PPP6C: variants seen among roughly 807,000 people sequenced by gnomAD.
The protein encoded by PPP6C is serine/threonine-protein phosphatase 6 catalytic subunit.
PPP6C carries 11 observed loss-of-function variants against 39.8 expected under a neutral mutation model. The ratio of observed to expected loss-of-function variants is 0.28; its 90% CI spans 0.17 to 0.46. The LOEUF is 0.46. Ranked by LOEUF, PPP6C falls within the 20% of genes least tolerant of loss-of-function variation. The pLI is 1.00. For missense variants in PPP6C, 211 were observed against 373.9 expected, an observed-to-expected ratio of 0.56 and a Z score of 3.59; for synonymous variants, 129 against 130.3, an observed-to-expected ratio of 0.99 and a Z score of 0.07.
intron 2 of PPP6C, among the ~76,000 whole-genome samples, chr9:125,161,324 C>T (rs1475707829): frequency 6.6e-6 from 1 of 152,182 alleles, no homozygotes; most frequent in African/African-American, 2.4e-5. Context: ...TTACATGACA[C>T]TCCAGTGTTA....
At chr9:125,188,818 A>AATAAT (rs535765750) in intron 1 of PPP6C, 7 of 423,804 alleles carry the variant, frequency 1.7e-5, no homozygotes, top group South Asian at 5.7e-5. Context: ...TAATAATAAT[A>AATAAT]ATTAAAAAGT....
chr9:125,174,745 A>G (rs1829258797), intron 1 of PPP6C, among the ~76,000 whole-genome samples: 1 of 151,938 alleles, frequency 6.6e-6, no homozygotes, highest in Admixed American at 6.6e-5. Context: ...CCCTGTCTAT[A>G]CTAAAAAATA....
In PPP6C at chr9:125,149,676, A is replaced by T. The variant is rs745932435; in HGVS notation, c.915T>A (p.Leu305=). ...IPPRTTTPYF[L] ...GTCAGCAGGATGGGCGAAGGCCTCA[A>T]AGGAAATATGGCGTTGTCGTTCTGG... Residue 305 remains leucine, a synonymous_variant, in exon 7 of 7, where the codon CTT becomes CTA. Transcript: ENST00000373547. The T allele has an allele frequency of 6.2e-7, 1 of 1,613,800 alleles. No individual in the cohort carries two copies. Among genetic ancestry groups the T allele is most frequent in the Middle Eastern group, 1.6e-4 (1 of 6,062 alleles).
chr9:125,149,572 A>G lies in PPP6C; in HGVS notation c.*101T>C. 1 of 1,322,066 alleles carries G rather than the reference A, an allele frequency of 7.6e-7. No individual in the cohort carries two copies. Among genetic ancestry groups the G allele is most frequent in the Non-Finnish European group, 1.0e-6 (1 of 980,084 alleles). 81.9% of individuals were successfully genotyped at this position (1,322,066 alleles called of 1,614,324 possible). A position where few individuals can be genotyped will look rare whatever the true frequency, so the allele number is the denominator to read the frequency against. On this transcript the variant is annotated 3_prime_UTR_variant, in exon 7 of 7. Transcript: ENST00000373547. ...AAAAAAAGGCAAGAGGCAGCATTTC[A>G]GCAGCAAAGTGCTCAATAAAAAGTA... is the stretch of plus-strand genomic sequence containing the variant.
At chr9:125,150,649 T>C in intron 6 of PPP6C, 1 of 972,034 alleles carries the variant, frequency 1.0e-6, no homozygotes, top group Non-Finnish European at 1.5e-6. Context: ...TTGGCCAGGA[T>C]CCTGAATATC....
In PPP6C at chr9:125,188,862, C is replaced by A. The variant is rs182113552; in HGVS notation, c.75+782G>T. ...AGAAAAGCAGTATACCAAAGTCATT[C>A]CTTTACCCATACATACATTTACTCT... On this transcript the variant is annotated intron_variant, in intron 1 of 6. Transcript: ENST00000373547. 270 of 1,247,714 alleles carry A rather than the reference C, an allele frequency of 2.2e-4. 1 individual carries two copies. In the African/African-American group the frequency reaches 3.4e-3, roughly 16 times the overall value. 77.3% of individuals were successfully genotyped at this position (1,247,714 alleles called of 1,614,324 possible).
intron 3 of PPP6C, among the ~76,000 whole-genome samples, chr9:125,159,563 G>T (rs373024048): frequency 6.6e-6 from 1 of 151,928 alleles, no homozygotes; most frequent in Admixed American, 6.6e-5. Context: ...TTGCCTACTT[G>T]AAGAAAAAAA....
intron 6 of PPP6C, among the ~76,000 whole-genome samples, chr9:125,152,312 G>A (rs1483745315): frequency 5.9e-5 from 9 of 152,082 alleles, no homozygotes; most frequent in Non-Finnish European, 1.3e-4. Flanking sequence ...ACACTGTACC[G>A]TAGTCTTCTG....
At chr9:125,163,155 T>C (rs1412690094) in intron 2 of PPP6C, among the ~76,000 whole-genome samples, 1 of 152,056 alleles carries the variant, frequency 6.6e-6, no homozygotes, top group Admixed American at 6.6e-5. Flanking sequence ...GTGAATATCT[T>C]AAATTAAGAT....
At chr9:125,156,040 A>T (rs1229365917) in intron 4 of PPP6C, among the ~76,000 whole-genome samples, 1 of 152,100 alleles carries the variant, frequency 6.6e-6, no homozygotes, top group Non-Finnish European at 1.5e-5. Context: ...TACTGTTTTC[A>T]CTGAGCTAAT....
At chr9:125,157,678 ATTCTCCTTTTTTTTTTGGTTTTTTTTTT>A (rs1460241178) in intron 4 of PPP6C, among the ~76,000 whole-genome samples, 1 of 135,466 alleles carries the variant, frequency 7.4e-6, no homozygotes, top group Non-Finnish European at 1.5e-5. Flanking sequence ...GAGGCCCAGC[ATTCTCCTTTTTTTTTTGGTTTTTTTTTT>A]TTTGAGACGG....
chr9:125,154,059 A>G, intron 4 of PPP6C, 74 bp from the exon 5 acceptor site: 3 of 1,121,916 alleles, frequency 2.7e-6, no homozygotes, highest in South Asian at 1.3e-5. Flanking sequence ...ATACTAGAGC[A>G]GCCTTCAGTA....
chr9:125,181,446 T>C (rs1381791880), intron 1 of PPP6C, among the ~76,000 whole-genome samples: 4 of 152,156 alleles, frequency 2.6e-5, no homozygotes, highest in Non-Finnish European at 4.4e-5. Flanking sequence ...CAACCCATCA[T>C]CTACAATCGG....
At chr9:125,161,155 T>A (rs1345146436) in intron 2 of PPP6C, among the ~76,000 whole-genome samples, 1 of 152,218 alleles carries the variant, frequency 6.6e-6, no homozygotes, top group African/African-American at 2.4e-5. Context: ...TTTTCTTTCA[T>A]ACATCTCCCC....
Position 125,171,478 on chromosome 9 carries a change from C to CATATAT in PPP6C, c.76-304_76-299dup, listed in dbSNP as rs59002869. Among the ~76,000 whole-genome samples the CATATAT allele has an allele frequency of 7.9e-3, 660 of 83,122 alleles. 3 individuals carry two copies. Among genetic ancestry groups the CATATAT allele is most frequent in the African/African-American group, 0.012 (222 of 18,174 alleles). 54.5% of individuals were successfully genotyped at this position (83,122 alleles called of 152,430 possible). A position where few individuals can be genotyped will look rare whatever the true frequency, so the allele number is the denominator to read the frequency against. On this transcript the variant is annotated intron_variant, in intron 1 of 6. Coordinates refer to ENST00000373547, the MANE Select transcript of PPP6C (RefSeq NM_002721.5). Reference sequence around the variant, plus strand: ...ACACATATACACACACACACACACACATATATATATATATATATATATATA... The same window carrying CATATAT: ...ACACATATACACACACACACACACACATATATATATATATATATATATATATATATA...
chr9:125,175,469 TCTA>T (rs1254758160), intron 1 of PPP6C, among the ~76,000 whole-genome samples: 2 of 151,292 alleles, frequency 1.3e-5, no homozygotes, highest in Non-Finnish European at 2.9e-5. Flanking sequence ...AAACCCCGTC[TCTA>T]CTAAAAAAAA....
chr9:125,174,115 T>A (rs1018597131), intron 1 of PPP6C, among the ~76,000 whole-genome samples: 1 of 152,146 alleles, frequency 6.6e-6, no homozygotes, highest in Non-Finnish European at 1.5e-5. Flanking sequence ...GAGACCAGTT[T>A]GTACTATTGC....
At chr9:125,170,119 C>G (rs1234207354) in intron 2 of PPP6C, among the ~76,000 whole-genome samples, 1 of 152,116 alleles carries the variant, frequency 6.6e-6, no homozygotes, top group African/African-American at 2.4e-5. Flanking sequence ...ATATAGCACT[C>G]TATGAGTAAT....
intron 2 of PPP6C, among the ~76,000 whole-genome samples, chr9:125,170,651 A>G (rs565388775): frequency 6.6e-6 from 1 of 152,282 alleles, no homozygotes; most frequent in South Asian, 2.1e-4. Context: ...ATTTTTCTGT[A>G]CCTTTGCTAT....
Sources: allele counts gnomAD v4.1 joint callset (sites outside exome capture counted in the v4.1 genomes callset), GRCh38; gene constraint gnomAD v4.1.1; transcripts MANE v1.5; gene names NCBI Gene and HGNC (gene_info 2026-07-23, HGNC 2026-07-21).